TFG: variants seen among roughly 807,000 people sequenced by gnomAD.
TFG encodes protein TFG.
In TFG, 22 loss-of-function variants were observed where a neutral mutation model predicts 51.4. The ratio of observed to expected loss-of-function variants is 0.43; its 90% CI spans 0.31 to 0.61. TFG has a LOEUF of 0.61. Among genes scored for constraint, TFG ranks in the 20% least tolerant of loss-of-function variants. TFG has a pLI of 0.12. For missense variants in TFG, 419 were observed against 487.7 expected, an observed-to-expected ratio of 0.86 and a Z score of 1.33; for synonymous variants, 187 against 165.6, an observed-to-expected ratio of 1.13 and a Z score of -0.99.
intron 2 of TFG, among the ~76,000 whole-genome samples, chr3:100,714,567 AT>A (rs11342443): frequency 0.38 from 57,416 of 151,202 alleles, 11,087 homozygotes; most frequent in South Asian, 0.49. Context: ...TTTCACATAC[AT>A]TTTTTTTACA....
At chr3:100,722,635 G>A (rs9861416) in intron 3 of TFG, among the ~76,000 whole-genome samples, 4,537 of 152,284 alleles carry the variant, frequency 0.03, 185 homozygotes, top group African/African-American at 0.092. Context: ...AGTAGCCAGA[G>A]AGAATAAGAC....
intron 1 of TFG, among the ~76,000 whole-genome samples, chr3:100,710,521 C>G (rs80232856): frequency 0.011 from 1,659 of 152,262 alleles, 26 homozygotes; most frequent in African/African-American, 0.039. Context: ...CTTAGTATTT[C>G]TTGAAGGAAA....
chr3:100,736,855 TAAA>T lies in TFG; in HGVS notation c.721+143_721+145del, dbSNP rs149089836. 1,423 of 885,510 alleles carry T rather than the reference TAAA, an allele frequency of 1.6e-3. 14 individuals carry two copies. The African/African-American group carries it at 0.021, about 13-fold the overall frequency. The allele number at this position is 885,510 out of a possible 1,614,324, so 54.9% of individuals were successfully genotyped here. A position where few individuals can be genotyped will look rare whatever the true frequency, so the allele number is the denominator to read the frequency against. ...TTGATTTACTGACATGATTTGATGT[TAAA>T]AAACCAAATAGAACAATATGTCAGG... On this transcript the variant is annotated intron_variant, in intron 6 of 7. Coordinates refer to ENST00000240851, the MANE Select transcript of TFG (RefSeq NM_006070.6).
intron 2 of TFG, among the ~76,000 whole-genome samples, chr3:100,716,854 G>A (rs1219724493): frequency 2.0e-5 from 3 of 152,030 alleles, no homozygotes; most frequent in East Asian, 1.9e-4. Context: ...TTTGAGAAAT[G>A]TCTGTTCAGA....
intron 3 of TFG, among the ~76,000 whole-genome samples, chr3:100,723,352 G>A (rs1049998991): frequency 3.3e-5 from 5 of 152,086 alleles, no homozygotes; most frequent in Admixed American, 6.5e-5. Context: ...TACCTGTTCA[G>A]TTCAGTAGAA....
At chr3:100,728,060 C>G (rs1214153835) in intron 3 of TFG, among the ~76,000 whole-genome samples, 1 of 152,144 alleles carries the variant, frequency 6.6e-6, no homozygotes, top group Non-Finnish European at 1.5e-5. Flanking sequence ...TCTTGAACTC[C>G]TGGGCTCAAG....
intron 3 of TFG, among the ~76,000 whole-genome samples, 188 bp downstream of exon 3, chr3:100,720,246 G>T (rs767951153): frequency 2.0e-5 from 3 of 151,962 alleles, no homozygotes; most frequent in African/African-American, 7.2e-5. Context: ...GAAAATGATA[G>T]AAGTTTAATT....
intron 6 of TFG, among the ~76,000 whole-genome samples, chr3:100,740,544 G>A (rs1160348272): frequency 6.6e-6 from 1 of 152,170 alleles, no homozygotes; most frequent in African/African-American, 2.4e-5. Flanking sequence ...TATTCAGTAT[G>A]TGAGGGACTA....
intron 6 of TFG, among the ~76,000 whole-genome samples, chr3:100,738,609 T>A (rs1424429083): frequency 1.3e-5 from 2 of 152,210 alleles, no homozygotes; most frequent in Non-Finnish European, 2.9e-5. Flanking sequence ...AATTCCTTTT[T>A]TCAGAGGTAG....
At chr3:100,735,544 C>T (rs2095104069) in intron 5 of TFG, among the ~76,000 whole-genome samples, 2 of 152,110 alleles carry the variant, frequency 1.3e-5, no homozygotes, top group African/African-American at 2.4e-5. Flanking sequence ...TGTAACATGT[C>T]CAGAGTTACA....
rs74745511 is a variant in TFG at position 100,729,928 on chromosome 3, A to G, written c.415+1070A>G. Among the ~76,000 whole-genome samples the G allele has an allele frequency of 9.6e-3, 1,469 of 152,230 alleles. 22 individuals are homozygous for G. The highest frequency in any genetic ancestry group is 0.034 in the African/African-American group (1,400 of 41,554). The stretch of plus-strand genomic sequence containing the variant: ...ATTGATTATTCCTAGTTGCACTTCT[A>G]TTTCAGAACATAATGGAGATTTGCT... On this transcript the variant is annotated intron_variant, in intron 4 of 7. Transcript: ENST00000240851.
chr3:100,717,525 A>G (rs2095049443), intron 2 of TFG, among the ~76,000 whole-genome samples: 1 of 149,978 alleles, frequency 6.7e-6, no homozygotes, highest in African/African-American at 2.4e-5. Flanking sequence ...ATTTGTTCTT[A>G]TATAAGCATG....
chr3:100,725,747 C>G (rs900177095), intron 3 of TFG, among the ~76,000 whole-genome samples: 1 of 151,476 alleles, frequency 6.6e-6, no homozygotes, highest in African/African-American at 2.4e-5. Flanking sequence ...GAGCCAAGAT[C>G]AGGCCACTGC....
chr3:100,710,892 T>A (rs1402509225), intron 1 of TFG: 1 of 152,126 alleles, frequency 6.6e-6, no homozygotes, highest in Non-Finnish European at 1.5e-5. Context: ...TGAAGTAATG[T>A]TGGGTTGGGA....
At chr3:100,731,428 C>T (rs1305942987) in intron 4 of TFG, among the ~76,000 whole-genome samples, 2 of 152,062 alleles carry the variant, frequency 1.3e-5, no homozygotes, top group Admixed American at 6.5e-5. Context: ...TTAACCTGCT[C>T]ATAATATTTG....
At chr3:100,710,366 T>G (rs1276731294) in intron 1 of TFG, 2 of 152,290 alleles carry the variant, frequency 1.3e-5, no homozygotes, top group Admixed American at 6.5e-5. Flanking sequence ...ATGGTTGTTT[T>G]CATTTCGAAT....
chr3:100,748,174 T>C lies in TFG; in HGVS notation c.846T>C (p.Pro282=), dbSNP rs11353. The C allele has an allele frequency of 0.67, 1,082,591 of 1,613,610 alleles. 365,851 individuals carry two copies. Among genetic ancestry groups the C allele is most frequent in the South Asian group, 0.83 (75,726 of 91,068 alleles). ...YSASYSQQTG[P]QQPQQFQGYG... ...CAAGCTATAGTCAGCAGACTGGACCTCAACAACCTCAGCAGTTCCAGGGAT... is the reference window on the plus strand; with the variant it reads ...CAAGCTATAGTCAGCAGACTGGACCCCAACAACCTCAGCAGTTCCAGGGAT... Residue 282 remains proline (P), a synonymous_variant, in exon 8 of 8, where the codon CCT becomes CCC. Transcript: ENST00000240851.
chr3:100,747,501 G>A (rs561003438), intron 7 of TFG: 4 of 152,418 alleles, frequency 2.6e-5, no homozygotes, highest in South Asian at 4.2e-4. Context: ...GCAGACTTTC[G>A]TTGTAAAAAA....
intron 2 of TFG, among the ~76,000 whole-genome samples, chr3:100,715,492 T>A (rs991530557): frequency 2.6e-5 from 4 of 152,210 alleles, no homozygotes; most frequent in Non-Finnish European, 5.9e-5. Flanking sequence ...CAACTTATAC[T>A]GTGGAGGAGA....
Sources: allele counts gnomAD v4.1 joint callset (sites outside exome capture counted in the v4.1 genomes callset), GRCh38; gene constraint gnomAD v4.1.1; transcripts MANE v1.5; gene names NCBI Gene and HGNC (gene_info 2026-07-23, HGNC 2026-07-21).